Variants in SLC7A5 observed in about 807,000 individuals in gnomAD.
SLC7A5 encodes the protein large neutral amino acids transporter small subunit 1.
In SLC7A5, 23 loss-of-function variants were observed where a neutral mutation model predicts 50.2. That is an observed-to-expected ratio of 0.46 (90% CI 0.33 to 0.65). The LOEUF is 0.65. Among genes scored for constraint, SLC7A5 ranks in the 30% least tolerant of loss-of-function variants. The pLI is 0.02. For synonymous variants in SLC7A5, 393 were observed against 330.6 expected (o/e 1.19, Z -2.05); for missense variants, 578 against 684.4 (o/e 0.84, Z 1.73).
At chr16:87,851,677 G>A (rs1447336309) in intron 2 of SLC7A5, 47 bp downstream of exon 2, 30 of 1,599,044 alleles carry the variant, frequency 1.9e-5, no homozygotes, top group Non-Finnish European at 2.6e-5. Flanking sequence ...AGGACACACA[G>A]GCAAAGCCTC....
intron 3 of SLC7A5, among the ~76,000 whole-genome samples, 170 bp downstream of exon 3, chr16:87,840,880 G>A (rs181972403): frequency 6.6e-6 from 1 of 151,510 alleles, no homozygotes; most frequent in African/African-American, 2.4e-5. Flanking sequence ...GTCGGGATGT[G>A]GGTGACTCTG....
At chr16:87,836,006 G>A (rs1237438959) in intron 8 of SLC7A5, among the ~76,000 whole-genome samples, 4 of 152,196 alleles carry the variant, frequency 2.6e-5, no homozygotes, top group Non-Finnish European at 5.9e-5. Flanking sequence ...TCTGCTGGAC[G>A]GCCCCGTTTT....
intron 7 of SLC7A5, chr16:87,837,536 GAACA>G: frequency 2.4e-6 from 1 of 418,318 alleles, no homozygotes. Context: ...GCTGAGAAAC[GAACA>G]GAGTGGGCGC....
rs970920648 is a variant in SLC7A5, at chr16:87,833,279, G to C, written c.1469-254C>G. Among the ~76,000 whole-genome samples the C allele has an allele frequency of 6.6e-6, 1 of 152,258 alleles. No homozygotes were observed. The highest frequency in any genetic ancestry group is 2.4e-5 in the African/African-American group (1 of 41,472). Reference sequence around the variant, plus strand: ...CCCCTCGCCTGCTTCAGAACCCTGGGGAGGCAGAGTGCGGCCCCTGGGGCA... The same window carrying C: ...CCCCTCGCCTGCTTCAGAACCCTGGCGAGGCAGAGTGCGGCCCCTGGGGCA... On this transcript the variant is annotated intron_variant, in intron 9 of 9. Transcript: ENST00000261622. This position sits in a 1 kb window ranked among gnomAD's most constrained non-coding sequence, Gnocchi z 6.0.
intron 1 of SLC7A5, among the ~76,000 whole-genome samples, chr16:87,856,184 G>A (rs1437596771): frequency 6.6e-6 from 1 of 152,214 alleles, no homozygotes; most frequent in African/African-American, 2.4e-5. Flanking sequence ...CTCCTGCCAG[G>A]CCCCCGAGGA....
Position 87,866,993 on chromosome 16 carries a change from G to A in SLC7A5, c.538+1892C>T, listed in dbSNP as rs1228370568. ...GTCACCCAGACTGGAGTGCAGTGGC[G>A]GGATCTCAACTCACTGCAACCTCCA... On this transcript the variant is annotated intron_variant, in intron 1 of 9. Coordinates refer to ENST00000261622, the MANE Select transcript of SLC7A5 (RefSeq NM_003486.7). Among the ~76,000 whole-genome samples, 5 of 151,674 alleles carry A rather than the reference G, an allele frequency of 3.3e-5. No homozygotes were observed. In the South Asian group the frequency reaches 6.2e-4, roughly 19 times the overall value.
At position 87,833,346 on chromosome 16, in the gene SLC7A5, G is replaced by A. The variant is rs1003917320; in HGVS notation, c.1469-321C>T. On this transcript the variant is annotated intron_variant, in intron 9 of 9. Coordinates refer to ENST00000261622, the MANE Select transcript of SLC7A5 (RefSeq NM_003486.7). The surrounding 1 kb of genome is among the most constrained non-coding windows in gnomAD (Gnocchi z 6.0). ...GTGTCTCAGCAAAGTGCAACGGGGGGATGACAGGCCTTCCTGCAGGTCCAC... is the reference window on the plus strand; with the variant it reads ...GTGTCTCAGCAAAGTGCAACGGGGGAATGACAGGCCTTCCTGCAGGTCCAC... 1.3e-5 allele frequency among the ~76,000 whole-genome samples: 2 copies of A among 152,212 alleles called. No homozygotes were observed. The highest frequency in any genetic ancestry group is 2.9e-5 in the Non-Finnish European group (2 of 68,038).
At position 87,833,609 on chromosome 16, in the gene SLC7A5, G is replaced by T. The variant is rs2143698482; in HGVS notation, c.1469-584C>A. ...AAGCTTGAGGCAAATGTTCTACCAT[G>T]ACCCTGGCGGTGATCAGAGTGTGGG... On this transcript the variant is annotated intron_variant, in intron 9 of 9. Transcript: ENST00000261622. The surrounding 1 kb of genome is among the most constrained non-coding windows in gnomAD (Gnocchi z 6.0). Among the ~76,000 whole-genome samples the T allele has an allele frequency of 6.6e-6, 1 of 152,296 alleles. No homozygotes were observed. Among genetic ancestry groups the T allele is most frequent in the Middle Eastern group, 3.4e-3 (1 of 294 alleles).
At chr16:87,837,770 C>G (rs575324057) in intron 7 of SLC7A5, 75 bp downstream of exon 7, 1 of 1,225,428 alleles carries the variant, frequency 8.2e-7, no homozygotes. Context: ...GAGCTGCAAG[C>G]TGTGGCAGCC....
chr16:87,845,884 G>A (rs1438253197), intron 2 of SLC7A5, among the ~76,000 whole-genome samples: 1 of 152,208 alleles, frequency 6.6e-6, no homozygotes, highest in Non-Finnish European at 1.5e-5. Context: ...AAGGCCGCGG[G>A]AAAACAAGCC....
chr16:87,835,894 T>A (rs1241665090), intron 8 of SLC7A5, among the ~76,000 whole-genome samples: 1 of 152,112 alleles, frequency 6.6e-6, no homozygotes, highest in East Asian at 1.9e-4. Flanking sequence ...GCCAGCTGAG[T>A]GACAAAAGCT....
In SLC7A5 at chr16:87,867,915, A is replaced by G. The variant is rs1252348348; in HGVS notation, c.538+970T>C. ...CGGATCACAAGGTCAGGAGATCGAG[A>G]CCATCCTGGCTAACACGGTGAAACG... On this transcript the variant is annotated intron_variant, in intron 1 of 9. Coordinates refer to ENST00000261622, the MANE Select transcript of SLC7A5 (RefSeq NM_003486.7). Among the ~76,000 whole-genome samples, 4 of 152,114 alleles carry G rather than the reference A, an allele frequency of 2.6e-5. No homozygotes were observed. The East Asian group carries it at 7.7e-4, about 29-fold the overall frequency.
intron 2 of SLC7A5, among the ~76,000 whole-genome samples, chr16:87,844,468 C>T (rs1252302416): frequency 1.3e-5 from 2 of 152,194 alleles, no homozygotes; most frequent in South Asian, 2.1e-4. Flanking sequence ...GGAGACTCCG[C>T]CGGTGGCTAA....
chr16:87,841,153 C>A lies in SLC7A5; in HGVS notation c.667G>T (p.Asp223Tyr). 1.2e-6 allele frequency: 2 copies of A among 1,605,294 alleles called. No individual in the cohort carries two copies. The highest frequency in any genetic ancestry group is 1.7e-6 in the Non-Finnish European group (2 of 1,172,094). The change falls in exon 3 of 10, where the codon GAT (aspartate) becomes TAT (tyrosine). Residue 223 changes from aspartate to tyrosine, a missense_variant and splice_region_variant. Physicochemically the swap from Asp to Tyr is radical, Grantham distance 160. Around this residue, in one of 2 missense-constraint regions of SLC7A5, gnomAD observed 465 missense variants for 594.6 expected, o/e 0.78. Coordinates refer to ENST00000261622, the MANE Select transcript of SLC7A5 (RefSeq NM_003486.7). The surrounding 1 kb of genome is among the most constrained non-coding windows in gnomAD (Gnocchi z 4.8). ...AAGTTGGGATCTAGATTGGACACAT[C>A]ACCTGGCAGGGCCAAAGAAAGGAAT... is the stretch of plus-strand genomic sequence containing the variant. The part of the protein sequence containing the change: ...LLGFVQIGKG[D>Y]VSNLDPNFSF...
At chr16:87,858,427 C>T (rs1287966674) in intron 1 of SLC7A5, among the ~76,000 whole-genome samples, 2 of 152,140 alleles carry the variant, frequency 1.3e-5, no homozygotes, top group African/African-American at 2.4e-5. Context: ...CGGAAACCCA[C>T]GCCCCACTCC....
chr16:87,861,244 C>G lies in SLC7A5; in HGVS notation c.538+7641G>C, dbSNP rs2055394190. ...CTGTCCAGGGTACCTGGATGTGAGTCTGGGAAGGATGGAGAAGGGTGGAGG... is the reference window on the plus strand; with the variant it reads ...CTGTCCAGGGTACCTGGATGTGAGTGTGGGAAGGATGGAGAAGGGTGGAGG... On this transcript the variant is annotated intron_variant, in intron 1 of 9. Transcript: ENST00000261622. The surrounding 1 kb of genome is among the most constrained non-coding windows in gnomAD (Gnocchi z 4.2). Among the ~76,000 whole-genome samples the G allele has an allele frequency of 6.6e-6, 1 of 152,120 alleles. No homozygotes were observed.
intron 1 of SLC7A5, among the ~76,000 whole-genome samples, chr16:87,857,225 ATTTT>A (rs57435838): frequency 1.4e-5 from 2 of 147,200 alleles, no homozygotes; most frequent in Non-Finnish European, 3.0e-5. Flanking sequence ...CAGCGTTCAC[ATTTT>A]TTTTTTTTTT....
intron 1 of SLC7A5, among the ~76,000 whole-genome samples, chr16:87,858,330 A>G (rs1485573428): frequency 1.3e-5 from 2 of 152,164 alleles, no homozygotes; most frequent in Non-Finnish European, 2.9e-5. Context: ...CAGCATGAGT[A>G]TCTTCAGGGC....
intron 1 of SLC7A5, among the ~76,000 whole-genome samples, chr16:87,868,572 C>T (rs1338586694): frequency 1.3e-5 from 2 of 152,216 alleles, no homozygotes; most frequent in African/African-American, 4.8e-5. Flanking sequence ...GGGAGTATTG[C>T]TCAGCGGGGC....
Sources: gnomAD v4.1 joint callset for allele counts (sites outside exome capture counted in the v4.1 genomes callset) on GRCh38, gnomAD v4.1.1 for gene constraint, gnomAD v4.1.1 regional missense constraint, Gnocchi (gnomAD v3.1) non-coding constraint, MANE v1.5 for transcripts, NCBI Gene and HGNC (gene_info 2026-07-23, HGNC 2026-07-21) for gene names.